Variants in DACH2 observed in about 807,000 individuals in gnomAD.
The protein encoded by DACH2 is dachshund family transcription factor 2.
A neutral mutation model predicts 35.8 loss-of-function variants in DACH2; 17 were observed. That is an observed-to-expected ratio of 0.48 (90% CI 0.33 to 0.71). The LOEUF is 0.71. DACH2 is among the 30% of genes least tolerant of loss of function. DACH2 has a pLI of 0.02. For synonymous variants in DACH2, 195 were observed against 177.3 expected (o/e 1.10, Z -0.79); for missense variants, 469 against 472.7 (o/e 0.99, Z 0.07).
chrX:86,295,560 C>T (rs2148006550), intron 1 of DACH2, among the ~76,000 whole-genome samples: 1 of 111,589 alleles, frequency 9.0e-6, no homozygotes, highest in South Asian at 3.8e-4. Flanking sequence ...CACTTTAGCC[C>T]ATGGTGGTGA....
intron 1 of DACH2, among the ~76,000 whole-genome samples, chrX:86,284,858 T>A (rs1037187381): frequency 9.0e-6 from 1 of 111,271 alleles, no homozygotes; most frequent in Non-Finnish European, 1.9e-5. Flanking sequence ...TTCTTCATGA[T>A]TCAATCTTGG....
chrX:86,269,058 A>G (rs899707499), intron 1 of DACH2, among the ~76,000 whole-genome samples: 1 of 110,548 alleles, frequency 9.0e-6, no homozygotes, highest in Non-Finnish European at 1.9e-5. Context: ...TGTGCTATCA[A>G]ATACTAGATG....
intron 2 of DACH2, among the ~76,000 whole-genome samples, chrX:86,457,916 G>A (rs907356018): frequency 2.7e-5 from 3 of 111,957 alleles, no homozygotes; most frequent in Non-Finnish European, 5.6e-5. Context: ...ATGTGTATTT[G>A]CTTGGGGGTT....
chrX:86,682,836 A>AT (rs2040896932), intron 4 of DACH2, among the ~76,000 whole-genome samples: 1 of 111,214 alleles, frequency 9.0e-6, no homozygotes, highest in Non-Finnish European at 1.9e-5. Context: ...TTCTACTTTT[A>AT]TTTTTCATTA....
chrX:86,662,211 C>T (rs1339246451), intron 4 of DACH2, among the ~76,000 whole-genome samples: 2 of 111,605 alleles, frequency 1.8e-5, no homozygotes, highest in Non-Finnish European at 3.8e-5. Flanking sequence ...CTTCTGGTCA[C>T]ATATGGGGTA....
At chrX:86,294,173 T>C (rs2034383682) in intron 1 of DACH2, among the ~76,000 whole-genome samples, 2 of 111,667 alleles carry the variant, frequency 1.8e-5, no homozygotes, top group Non-Finnish European at 3.8e-5. Flanking sequence ...TTTCATTCAT[T>C]TCATCTTCCA....
chrX:86,197,330 A>G (rs1175870376), intron 1 of DACH2, among the ~76,000 whole-genome samples: 2 of 112,073 alleles, frequency 1.8e-5, no homozygotes, highest in Non-Finnish European at 3.8e-5. Context: ...CAGACCAGTG[A>G]CACTATAAAG....
intron 7 of DACH2, among the ~76,000 whole-genome samples, chrX:86,811,511 T>C: frequency 8.9e-6 from 1 of 111,766 alleles, no homozygotes; most frequent in East Asian, 2.8e-4. Context: ...TGAGTCTCAT[T>C]AGAATATATG....
At chrX:86,749,791 G>A (rs1292339573) in intron 7 of DACH2, among the ~76,000 whole-genome samples, 1 of 111,500 alleles carries the variant, frequency 9.0e-6, no homozygotes, top group African/African-American at 3.3e-5. Context: ...TCTGTAAAGT[G>A]CAAAGAACAG....
At chrX:86,177,521 G>A (rs2031341386) in intron 1 of DACH2, among the ~76,000 whole-genome samples, 1 of 111,742 alleles carries the variant, frequency 8.9e-6, no homozygotes, top group Admixed American at 9.5e-5. Flanking sequence ...TCATTGCAGA[G>A]CAAAGTTGAG....
intron 7 of DACH2, among the ~76,000 whole-genome samples, chrX:86,776,825 A>G (rs1485702489): frequency 9.0e-6 from 1 of 111,274 alleles, no homozygotes; most frequent in African/African-American, 3.3e-5. Flanking sequence ...CCTATGAGTG[A>G]GAACATGCGG....
intron 3 of DACH2, among the ~76,000 whole-genome samples, chrX:86,600,464 G>T (rs1427795452): frequency 8.9e-6 from 1 of 111,930 alleles, no homozygotes; most frequent in Non-Finnish European, 1.9e-5. Flanking sequence ...CTCAGTGAAT[G>T]GGACTATTCA....
chrX:86,731,236 A>C (rs1272593844), intron 6 of DACH2, among the ~76,000 whole-genome samples: 1 of 111,753 alleles, frequency 8.9e-6, no homozygotes, highest in Non-Finnish European at 1.9e-5. Context: ...GAAAACTGCT[A>C]TTTATAACAT....
At chrX:86,392,247 C>T (rs1204862307) in intron 2 of DACH2, among the ~76,000 whole-genome samples, 1 of 111,141 alleles carries the variant, frequency 9.0e-6, no homozygotes, top group Non-Finnish European at 1.9e-5. Flanking sequence ...AAAATGATAC[C>T]TGTTCTTGGC....
intron 2 of DACH2, among the ~76,000 whole-genome samples, chrX:86,387,848 T>A (rs1037066087): frequency 1.8e-5 from 2 of 112,092 alleles, no homozygotes; most frequent in African/African-American, 6.5e-5. Flanking sequence ...TTATGACATT[T>A]TATAAATTAC....
At chrX:86,443,242 T>C (rs2037201051) in intron 2 of DACH2, among the ~76,000 whole-genome samples, 1 of 111,927 alleles carries the variant, frequency 8.9e-6, no homozygotes, top group South Asian at 3.6e-4. Flanking sequence ...CTTTCATCAA[T>C]ATTTTATAGT....
At chrX:86,401,526 A>G (rs2036431364) in intron 2 of DACH2, among the ~76,000 whole-genome samples, 1 of 111,523 alleles carries the variant, frequency 9.0e-6, no homozygotes, top group African/African-American at 3.3e-5. Flanking sequence ...GGCTCCACCT[A>G]TATATTATAT....
Position 86,548,955 on chromosome X carries a change from CA to C in DACH2, c.640+34565del, listed in dbSNP as rs2039011053. On this transcript the variant is annotated intron_variant, in intron 3 of 11. Transcript: ENST00000373125. ...TTGCTTATATTTCCATGACAGGGAG[CA>C]TTTTTTGAGTGATCTAACAGATTCT... is the stretch of plus-strand genomic sequence containing the variant. 2.7e-5 allele frequency among the ~76,000 whole-genome samples: 3 copies of C among 111,837 alleles called. No homozygotes were observed. The South Asian group carries it at 1.1e-3, about 41-fold the overall frequency.
At chrX:86,780,250 ACAGCAC>A in intron 7 of DACH2, among the ~76,000 whole-genome samples, 1 of 110,672 alleles carries the variant, frequency 9.0e-6, no homozygotes, top group East Asian at 2.9e-4. Context: ...TGAGAAAGAA[ACAGCAC>A]CAGAATTCTG....
Sources: gnomAD v4.1 joint callset for allele counts (sites outside exome capture counted in the v4.1 genomes callset) on GRCh38, gnomAD v4.1.1 for gene constraint, MANE v1.5 for transcripts, NCBI Gene and HGNC (gene_info 2026-07-23, HGNC 2026-07-21) for gene names.